FAM240A: variants seen among roughly 807,000 people sequenced by gnomAD.
The protein encoded by FAM240A is protein FAM240A.
FAM240A carries 8 observed loss-of-function variants against 7.3 expected under a neutral mutation model. The observed-to-expected ratio is 1.09, with a 90% CI of 0.64 to 1.97. The LOEUF is 1.97. Among genes scored for constraint, FAM240A ranks in the 30% most tolerant of loss-of-function variants. FAM240A has a pLI of 0.00. For missense variants in FAM240A, 90 were observed against 102.2 expected (o/e 0.88, Z 0.52); for synonymous variants, 32 against 35.9 (o/e 0.89, Z 0.38).
chr3:46,626,527 C>T lies in FAM240A; in HGVS notation c.*1309C>T, dbSNP rs1365315180. On this transcript the variant is annotated 3_prime_UTR_variant, in exon 3 of 3. Coordinates refer to ENST00000640551, the MANE Select transcript of FAM240A (RefSeq NM_001195442.2). ...TCCCTATGTAAGTTCCCCCAATAAA[C>T]CCTATGTCTCATTCACTGTCTCTGA... 1.3e-5 allele frequency: 2 copies of T among 152,250 alleles called. No homozygotes were observed. Among genetic ancestry groups the T allele is most frequent in the Admixed American group, 6.5e-5 (1 of 15,286 alleles). 9.4% of individuals were successfully genotyped at this position (152,250 alleles called of 1,614,324 possible). A position where few individuals can be genotyped will look rare whatever the true frequency, so the allele number is the denominator to read the frequency against.
At chr3:46,619,392 G>A (rs1365682175) in intron 2 of FAM240A, among the ~76,000 whole-genome samples, 2 of 152,186 alleles carry the variant, frequency 1.3e-5, no homozygotes, top group Admixed American at 1.3e-4. Flanking sequence ...ACTAAGAGAA[G>A]TAAGAGGGAT....
At chr3:46,622,652 A>G (rs1376980449) in intron 2 of FAM240A, among the ~76,000 whole-genome samples, 1 of 152,066 alleles carries the variant, frequency 6.6e-6, no homozygotes, top group Non-Finnish European at 1.5e-5. Context: ...TCTCCACTAC[A>G]TTGTCTTTGC....
chr3:46,623,730 C>T (rs1432632270), intron 2 of FAM240A, among the ~76,000 whole-genome samples: 1 of 152,174 alleles, frequency 6.6e-6, no homozygotes, highest in African/African-American at 2.4e-5. Context: ...CATGGACTAT[C>T]TCTTCGTCCT....
chr3:46,615,200 C>A (rs925088041), intron 1 of FAM240A, among the ~76,000 whole-genome samples: 10 of 152,118 alleles, frequency 6.6e-5, no homozygotes, highest in Non-Finnish European at 7.4e-5. Flanking sequence ...TTTCTGAGAG[C>A]TGTGGCCCAG....
At chr3:46,618,042 GAACAGCTCAGCCAGCT>G (rs1305919731) in intron 2 of FAM240A, among the ~76,000 whole-genome samples, 18 of 152,328 alleles carry the variant, frequency 1.2e-4, no homozygotes, top group African/African-American at 3.8e-4. Flanking sequence ...CCCTCAAAAG[GAACAGCTCAGCCAGCT>G]GTCTGACGAG....
intron 2 of FAM240A, among the ~76,000 whole-genome samples, chr3:46,621,982 G>C (rs1697699685): frequency 6.8e-6 from 1 of 147,466 alleles, no homozygotes; most frequent in South Asian, 2.2e-4. Context: ...CTCCTTAATA[G>C]ATAAGAACTA....
Position 46,612,547 on chromosome 3 carries a change from G to T in FAM240A, c.-137G>T, listed in dbSNP as rs1434788092. 1.4e-6 allele frequency: 1 copy of T among 703,824 alleles called. No homozygotes were observed. The highest frequency in any genetic ancestry group is 2.7e-5 in the East Asian group (1 of 36,784). 43.6% of individuals were successfully genotyped at this position (703,824 alleles called of 1,614,324 possible). A position where few individuals can be genotyped will look rare whatever the true frequency, so the allele number is the denominator to read the frequency against. The stretch of plus-strand genomic sequence containing the variant: ...ATCAAATTGCTGGCACAGCGTTAAG[G>T]CTTGCGAGGGACAAATGTTCCTTTG... On this transcript the variant is annotated 5_prime_UTR_variant, in exon 1 of 3. Transcript: ENST00000640551.
At chr3:46,616,525 G>C (rs1003311881) in intron 1 of FAM240A, among the ~76,000 whole-genome samples, 2 of 152,054 alleles carry the variant, frequency 1.3e-5, no homozygotes, top group African/African-American at 4.8e-5. Flanking sequence ...ATACCACTCT[G>C]TTTGCCTTTA....
chr3:46,614,220 G>A (rs563782309), intron 1 of FAM240A, among the ~76,000 whole-genome samples: 3 of 152,100 alleles, frequency 2.0e-5, no homozygotes, highest in South Asian at 2.1e-4. Flanking sequence ...CACTGCACCC[G>A]GCCTAAATAT....
chr3:46,624,262 C>CTTTTTT (rs1452049118), intron 2 of FAM240A, among the ~76,000 whole-genome samples: 9 of 103,470 alleles, frequency 8.7e-5, no homozygotes, highest in African/African-American at 3.5e-4. Flanking sequence ...CAACGGTGGG[C>CTTTTTT]TATTTTTTTT....
At chr3:46,616,862 G>C (rs1201209752) in intron 1 of FAM240A, among the ~76,000 whole-genome samples, 1 of 152,024 alleles carries the variant, frequency 6.6e-6, no homozygotes, top group Non-Finnish European at 1.5e-5. Context: ...CTTTTCCTTT[G>C]GGTAGGTACC....
At chr3:46,620,328 CA>C (rs74602881) in intron 2 of FAM240A, among the ~76,000 whole-genome samples, 1 of 120,298 alleles carries the variant, frequency 8.3e-6, no homozygotes, top group Non-Finnish European at 1.8e-5. Flanking sequence ...CTCCAGGCTC[CA>C]AACACAAGTG....
intron 1 of FAM240A, among the ~76,000 whole-genome samples, chr3:46,616,257 G>C (rs1411189544): frequency 6.6e-6 from 1 of 152,224 alleles, no homozygotes; most frequent in African/African-American, 2.4e-5. Flanking sequence ...GGCTGGCCAG[G>C]TCTGTCTCAT....
chr3:46,617,376 T>C (rs1697642544), intron 2 of FAM240A, 48 bp downstream of exon 2: 1 of 1,461,190 alleles, frequency 6.8e-7, no homozygotes, highest in South Asian at 1.4e-5. Flanking sequence ...ATTTTTAAAA[T>C]ACATCGTATA....
chr3:46,618,563 G>C (rs903102837), intron 2 of FAM240A, among the ~76,000 whole-genome samples: 1 of 152,068 alleles, frequency 6.6e-6, no homozygotes, highest in Non-Finnish European at 1.5e-5. Context: ...ACATGCGGCC[G>C]GGTGCGGTGA....
chr3:46,612,671 T>C lies in FAM240A; in HGVS notation c.-13T>C, dbSNP rs560761401. ...CATTTGGTTCGACTGAATCGATGTC[T>C]TCACATCCCTTCATGCGGTTGTTCT... On this transcript the variant is annotated 5_prime_UTR_variant, in exon 1 of 3. Coordinates refer to ENST00000640551, the MANE Select transcript of FAM240A (RefSeq NM_001195442.2). 4 of 1,535,586 alleles carry C rather than the reference T, an allele frequency of 2.6e-6. No individual in the cohort carries two copies. The Admixed American group carries it at 7.8e-5, about 30-fold the overall frequency.
In FAM240A at chr3:46,625,593, T is replaced by A. The variant is rs1349504274; in HGVS notation, c.*375T>A. On this transcript the variant is annotated 3_prime_UTR_variant, in exon 3 of 3. Coordinates refer to ENST00000640551, the MANE Select transcript of FAM240A (RefSeq NM_001195442.2). ...TGGTCAAACTTTAAACACTGTACAG[T>A]GGTATTGCCCCACCATTTCACCTAG... is the stretch of plus-strand genomic sequence containing the variant. 1 of 153,030 alleles carries A rather than the reference T, an allele frequency of 6.5e-6. No individual in the cohort carries two copies. Among genetic ancestry groups the A allele is most frequent in the Non-Finnish European group, 1.5e-5 (1 of 68,648 alleles). 9.5% of individuals were successfully genotyped at this position (153,030 alleles called of 1,614,324 possible).
At chr3:46,623,700 C>T (rs976406108) in intron 2 of FAM240A, among the ~76,000 whole-genome samples, 10 of 152,100 alleles carry the variant, frequency 6.6e-5, no homozygotes, top group Non-Finnish European at 1.5e-4. Context: ...ACCACACCAG[C>T]CTTCTTTGAT....
At position 46,612,676 on chromosome 3, in the gene FAM240A, A is replaced by G. The variant is rs774337576; in HGVS notation, c.-8A>G. 7 of 1,535,792 alleles carry G rather than the reference A, an allele frequency of 4.6e-6. No homozygotes were observed. Among genetic ancestry groups the G allele is most frequent in the South Asian group, 1.2e-5 (1 of 84,062 alleles). ...GGTTCGACTGAATCGATGTCTTCACATCCCTTCATGCGGTTGTTCTCTGTA... is the reference window on the plus strand; with the variant it reads ...GGTTCGACTGAATCGATGTCTTCACGTCCCTTCATGCGGTTGTTCTCTGTA... On this transcript the variant is annotated 5_prime_UTR_variant, in exon 1 of 3. Coordinates refer to ENST00000640551, the MANE Select transcript of FAM240A (RefSeq NM_001195442.2).
Sources: gnomAD v4.1 joint callset for allele counts (sites outside exome capture counted in the v4.1 genomes callset) on GRCh38, gnomAD v4.1.1 for gene constraint, MANE v1.5 for transcripts, NCBI Gene and HGNC (gene_info 2026-07-23, HGNC 2026-07-21) for gene names.